Variants in RGS8 observed in about 807,000 individuals in gnomAD.
The protein encoded by RGS8 is regulator of G-protein signaling 8.
RGS8 carries 8 observed loss-of-function variants against 21.7 expected under a neutral mutation model. The observed-to-expected ratio is 0.37, with a 90% confidence interval of 0.22 to 0.66. RGS8 has a LOEUF of 0.66. Ranked by LOEUF, RGS8 falls within the 30% of genes least tolerant of loss-of-function variation. The pLI, the probability that RGS8 is intolerant of heterozygous loss-of-function variation, is 0.59. For missense variants in RGS8, 157 were observed against 217.9 expected (o/e 0.72, Z 1.76); for synonymous variants, 80 against 83.6 (o/e 0.96, Z 0.24).
chr1:182,660,665 A>C (rs1663541197), intron 5 of RGS8, among the ~76,000 whole-genome samples: 1 of 149,542 alleles, frequency 6.7e-6, no homozygotes, highest in South Asian at 2.2e-4. Context: ...TACGAGATAC[A>C]GTCTTTAGTA....
intron 1 of RGS8, 65 bp from the exon 3 acceptor site, chr1:182,671,795 T>C (rs540280347): frequency 3.7e-6 from 6 of 1,609,908 alleles, no homozygotes; most frequent in South Asian, 3.3e-5. Flanking sequence ...CATGTGTGCA[T>C]GAACACATAG....
At chr1:182,649,928 G>A (rs939672041) in intron 5 of RGS8, among the ~76,000 whole-genome samples, 2 of 148,896 alleles carry the variant, frequency 1.3e-5, no homozygotes, top group African/African-American at 5.0e-5. Context: ...TTTTTGGGTG[G>A]GGGGCATGGA....
At chr1:182,732,269 T>TCACACA in the RGS8 span, among the ~76,000 whole-genome samples, 2,197 of 126,386 alleles carry the variant, frequency 0.017, 54 homozygotes, top group African/African-American at 0.058. Context: ...GCTCTCTCTC[T>TCACACA]CATACACACA....
the RGS8 span, among the ~76,000 whole-genome samples, chr1:182,732,272 T>TACACACACACACACACACAC: frequency 1.1e-4 from 14 of 132,482 alleles, no homozygotes; most frequent in African/African-American, 3.7e-4. Flanking sequence ...CTCTCTCTCA[T>TACACACACACACACACACAC]ACACACACAC....
At chr1:182,653,230 G>C (rs1031401825) in intron 5 of RGS8, among the ~76,000 whole-genome samples, 8 of 152,186 alleles carry the variant, frequency 5.3e-5, no homozygotes, top group Non-Finnish European at 1.2e-4. Flanking sequence ...GGTGTGATGG[G>C]GTTCTAGGTG....
the RGS8 span, among the ~76,000 whole-genome samples, chr1:182,696,077 A>C: frequency 0.036 from 5,532 of 152,274 alleles, 116 homozygotes; most frequent in Middle Eastern, 0.054. Context: ...CATTGTACTA[A>C]GGATACATTT....
At chr1:182,676,625 A>G (rs1429239151), upstream of RGS8, among the ~76,000 whole-genome samples, 1 of 152,228 alleles carries the variant, frequency 6.6e-6, no homozygotes, top group Non-Finnish European at 1.5e-5. Flanking sequence ...CAGTTCAAGC[A>G]TCCACATATT....
At chr1:182,746,011 T>C in the RGS8 span, among the ~76,000 whole-genome samples, 3 of 152,242 alleles carry the variant, frequency 2.0e-5, no homozygotes, top group African/African-American at 7.2e-5. Context: ...GTCCAAGTTC[T>C]GCCCTCTAGG....
chr1:182,672,163 T>G (rs1358126778), upstream of RGS8: 1 of 177,816 alleles, frequency 5.6e-6, no homozygotes, highest in African/African-American at 2.4e-5. Flanking sequence ...ACCAGTGAGC[T>G]AAAAATCAAG....
At chr1:182,748,997 T>C in the RGS8 span, among the ~76,000 whole-genome samples, 2 of 152,188 alleles carry the variant, frequency 1.3e-5, no homozygotes, top group Non-Finnish European at 2.9e-5. Context: ...TTTTGAATGT[T>C]AACTCTGAAA....
the RGS8 span, among the ~76,000 whole-genome samples, chr1:182,733,552 C>A: frequency 6.6e-6 from 1 of 152,186 alleles, no homozygotes; most frequent in Non-Finnish European, 1.5e-5. Context: ...AGGGCTGGAA[C>A]AATGCCTTGG....
At chr1:182,740,779 G>A in the RGS8 span, among the ~76,000 whole-genome samples, 4 of 151,226 alleles carry the variant, frequency 2.6e-5, no homozygotes, top group Admixed American at 6.6e-5. Context: ...CTGCCTTCAA[G>A]CATCTGTTTA....
At chr1:182,742,820 A>G in the RGS8 span, among the ~76,000 whole-genome samples, 1 of 152,206 alleles carries the variant, frequency 6.6e-6, no homozygotes, top group African/African-American at 2.4e-5. Flanking sequence ...TTATGTAGTT[A>G]AAAGCTGAAA....
At chr1:182,669,835 A>G in intron 2 of RGS8, 83 bp from the exon 4 acceptor site, 1 of 1,406,794 alleles carries the variant, frequency 7.1e-7, no homozygotes, top group Non-Finnish European at 9.4e-7. Flanking sequence ...GGTTTCCGCC[A>G]GCGGAACACC....
chr1:182,718,683 A>G, the RGS8 span, among the ~76,000 whole-genome samples: 1 of 152,246 alleles, frequency 6.6e-6, no homozygotes, highest in Non-Finnish European at 1.5e-5. Flanking sequence ...CTAGAACAAT[A>G]TGAGAAAAAT....
At chr1:182,665,344 G>A (rs112185262) in intron 5 of RGS8, among the ~76,000 whole-genome samples, 1 of 152,236 alleles carries the variant, frequency 6.6e-6, no homozygotes, top group African/African-American at 2.4e-5. Context: ...ACCACAATAT[G>A]CACAACTATT....
chr1:182,666,465 C>G (rs1663865170), intron 4 of RGS8, among the ~76,000 whole-genome samples: 1 of 152,134 alleles, frequency 6.6e-6, no homozygotes. Context: ...AAGGTAACAT[C>G]TATGATATTT....
At chr1:182,721,044 T>TATATAC in the RGS8 span, among the ~76,000 whole-genome samples, 1 of 48,942 alleles carries the variant, frequency 2.0e-5, no homozygotes, top group Non-Finnish European at 4.4e-5. Flanking sequence ...TATATACATA[T>TATATAC]ACATACATAT....
chr1:182,685,970 G>A (rs1296374716), upstream of RGS8, among the ~76,000 whole-genome samples: 2 of 152,138 alleles, frequency 1.3e-5, no homozygotes, highest in African/African-American at 4.8e-5. Context: ...AGAGCTCTGC[G>A]GAAATGCTGG....
Sources: allele counts gnomAD v4.1 joint callset (sites outside exome capture counted in the v4.1 genomes callset), GRCh38; gene constraint gnomAD v4.1.1; transcripts MANE v1.5; gene names NCBI Gene and HGNC (gene_info 2026-07-23, HGNC 2026-07-21).